The following DIAPH2 variants were observed in gnomAD, a reference collection of about 807,000 sequenced individuals.
The protein encoded by DIAPH2 is protein diaphanous homolog 2.
In DIAPH2, 35 loss-of-function variants were observed where a neutral mutation model predicts 92.7. The observed-to-expected ratio is 0.38, with a 90% CI of 0.29 to 0.50. The LOEUF (loss-of-function observed/expected upper bound fraction) is 0.50. Ranked by LOEUF, DIAPH2 falls within the 20% of genes least tolerant of loss-of-function variation. The pLI is 0.94. For synonymous variants in DIAPH2, 301 were observed against 280.4 expected (o/e 1.07, Z -0.73); for missense variants, 701 against 819.5 (o/e 0.86, Z 1.77).
Position 96,716,844 on chromosome X carries a change from C to A in DIAPH2, c.133-18914C>A, listed in dbSNP as rs371227693. Among the ~76,000 whole-genome samples, 3 of 111,208 alleles carry A rather than the reference C, an allele frequency of 2.7e-5. No individual in the cohort carries two copies. The South Asian group carries it at 1.1e-3, about 42-fold the overall frequency. ...ATATTTCATGATTTAAATTTTGACC[C>A]ATTATTTCTTTTAGCTTGCTTACTT... On this transcript the variant is annotated intron_variant, in intron 1 of 26. Transcript: ENST00000324765.
At chrX:97,265,587 A>G (rs1439637227) in intron 23 of DIAPH2, among the ~76,000 whole-genome samples, 1 of 112,192 alleles carries the variant, frequency 8.9e-6, no homozygotes, top group Non-Finnish European at 1.9e-5. Context: ...GATTCCAGAC[A>G]TGTAAAGATC....
intron 15 of DIAPH2, among the ~76,000 whole-genome samples, chrX:96,957,306 C>T (rs746294084): frequency 8.9e-6 from 1 of 112,457 alleles, no homozygotes; most frequent in Non-Finnish European, 1.9e-5. Context: ...CAGGCGTGAG[C>T]CACCGCACCT....
At chrX:97,111,629 T>A (rs1359007390) in intron 20 of DIAPH2, among the ~76,000 whole-genome samples, 2 of 111,936 alleles carry the variant, frequency 1.8e-5, no homozygotes, top group African/African-American at 6.5e-5. Flanking sequence ...TTCTTTATCT[T>A]CCTACTGTCA....
intron 22 of DIAPH2, among the ~76,000 whole-genome samples, chrX:97,185,997 C>CT (rs2067601241): frequency 9.0e-6 from 1 of 110,621 alleles, no homozygotes; most frequent in Admixed American, 9.7e-5. Context: ...AACCTCATTC[C>CT]TTTTTTTCTT....
chrX:97,590,843 T>TA (rs2071512460), intron 26 of DIAPH2, among the ~76,000 whole-genome samples: 1 of 112,004 alleles, frequency 8.9e-6, no homozygotes, highest in African/African-American at 3.2e-5. Context: ...GCTCACTTTT[T>TA]AAAGCAGAAC....
intron 3 of DIAPH2, among the ~76,000 whole-genome samples, chrX:96,740,109 G>C (rs2064110478): frequency 8.9e-6 from 1 of 112,033 alleles, no homozygotes; most frequent in Non-Finnish European, 1.9e-5. Flanking sequence ...CCACCTCTAA[G>C]AGCTTTAACT....
intron 22 of DIAPH2, among the ~76,000 whole-genome samples, chrX:97,185,306 AATATAT>A (rs1555998003): frequency 1.7e-4 from 6 of 34,452 alleles, no homozygotes; most frequent in African/African-American, 1.0e-3. Flanking sequence ...AAAAAAAAAA[AATATAT>A]ATATATATAT....
intron 4 of DIAPH2, among the ~76,000 whole-genome samples, chrX:96,845,027 G>T (rs765490139): frequency 8.9e-6 from 1 of 111,947 alleles, no homozygotes; most frequent in African/African-American, 3.2e-5. Flanking sequence ...ATATGGGCTG[G>T]TCTCACTTAT....
intron 21 of DIAPH2, among the ~76,000 whole-genome samples, chrX:97,140,025 TA>T (rs200917064): frequency 1.0e-4 from 11 of 106,692 alleles, no homozygotes; most frequent in East Asian, 2.9e-4. Context: ...TGTTCTTTTT[TA>T]AAAAAAAAAA....
At chrX:96,859,686 G>T (rs1013760863) in intron 4 of DIAPH2, among the ~76,000 whole-genome samples, 1 of 108,192 alleles carries the variant, frequency 9.2e-6, no homozygotes, top group Non-Finnish European at 1.9e-5. Flanking sequence ...GTGTTGCCCA[G>T]GCTGGAGTGC....
At chrX:97,141,581 G>T in intron 21 of DIAPH2, 84 bp from the exon 22 acceptor site, 1 of 986,261 alleles carries the variant, frequency 1.0e-6, no homozygotes, top group Non-Finnish European at 1.4e-6. Context: ...TTTTAAATGG[G>T]TTATAATAAA....
chrX:96,978,302 T>C (rs1355263859), intron 17 of DIAPH2, among the ~76,000 whole-genome samples: 1 of 111,415 alleles, frequency 9.0e-6, no homozygotes, highest in Non-Finnish European at 1.9e-5. Flanking sequence ...TTTCAGTAAT[T>C]TGTGTTCATT....
Position 97,601,887 on chromosome X carries a change from G to A in DIAPH2, c.*2570G>A, listed in dbSNP as rs1193146945. 2 of 112,037 alleles carry A rather than the reference G, an allele frequency of 1.8e-5. No homozygotes were observed. Among genetic ancestry groups the A allele is most frequent in the Admixed American group, 1.9e-4 (2 of 10,574 alleles). The allele number at this position is 112,037 out of a possible 1,213,427, so 9.2% of individuals were successfully genotyped here. The stretch of plus-strand genomic sequence containing the variant: ...CTAGAGGAGAATCTTTCCTTGCCAC[G>A]TCCACCTTTTGGTGGCTATTGGCAT... On this transcript the variant is annotated 3_prime_UTR_variant, in exon 27 of 27. Coordinates refer to ENST00000324765, the MANE Select transcript of DIAPH2 (RefSeq NM_006729.5).
At chrX:96,723,483 C>T (rs777394433) in intron 1 of DIAPH2, among the ~76,000 whole-genome samples, 1 of 111,675 alleles carries the variant, frequency 9.0e-6, no homozygotes, top group Admixed American at 9.5e-5. Context: ...TTTTACACCT[C>T]GTGTTAGAAT....
chrX:97,385,137 A>T (rs2069587437), intron 25 of DIAPH2, among the ~76,000 whole-genome samples: 1 of 111,951 alleles, frequency 8.9e-6, no homozygotes, highest in South Asian at 3.7e-4. Flanking sequence ...TATGATTAAT[A>T]TGGACCATGT....
At chrX:97,580,379 A>G (rs1166508583) in intron 26 of DIAPH2, among the ~76,000 whole-genome samples, 48 of 102,422 alleles carry the variant, frequency 4.7e-4, no homozygotes, top group African/African-American at 1.6e-3. Context: ...TTAGCATGAA[A>G]GGTTGTTGAA....
chrX:97,520,050 A>G (rs2070980252), intron 26 of DIAPH2, among the ~76,000 whole-genome samples: 1 of 110,371 alleles, frequency 9.1e-6, no homozygotes. Context: ...TTCATTCCCT[A>G]CCCCCCTGCT....
chrX:97,431,101 C>G (rs1297252479), intron 26 of DIAPH2, among the ~76,000 whole-genome samples: 1 of 112,153 alleles, frequency 8.9e-6, no homozygotes, highest in Non-Finnish European at 1.9e-5. Flanking sequence ...TGGCAGAATA[C>G]TAGGAGCACT....
At chrX:96,897,309 T>C (rs895197543) in intron 5 of DIAPH2, among the ~76,000 whole-genome samples, 9 of 111,259 alleles carry the variant, frequency 8.1e-5, no homozygotes, top group African/African-American at 2.6e-4. Flanking sequence ...CAATATGTAG[T>C]CTTTTATCTC....
Sources: gnomAD v4.1 joint callset for allele counts (sites outside exome capture counted in the v4.1 genomes callset) on GRCh38, gnomAD v4.1.1 for gene constraint, MANE v1.5 for transcripts, NCBI Gene and HGNC (gene_info 2026-07-23, HGNC 2026-07-21) for gene names.